Variants in TMEM135 observed in about 807,000 individuals in gnomAD.
The protein encoded by TMEM135 is peroxisomal membrane protein 52.
TMEM135 carries 30 observed loss-of-function variants against 60.3 expected under a neutral mutation model. That is an observed-to-expected ratio of 0.50 (90% CI 0.37 to 0.68). TMEM135 has a LOEUF of 0.68. Among genes scored for constraint, TMEM135 ranks in the 30% least tolerant of loss-of-function variants. TMEM135 has a pLI of 0.00. For synonymous variants in TMEM135, 190 were observed against 186.7 expected, an observed-to-expected ratio of 1.02 and a Z score of -0.14; for missense variants, 468 against 548.8, an observed-to-expected ratio of 0.85 and a Z score of 1.47.
At chr11:87,165,760 T>C (rs923919338) in intron 5 of TMEM135, among the ~76,000 whole-genome samples, 1 of 150,476 alleles carries the variant, frequency 6.6e-6, no homozygotes, top group Non-Finnish European at 1.5e-5. Context: ...CTGAAGGAAA[T>C]AGAGACACAA....
chr11:87,109,282 T>A (rs1857681351), intron 4 of TMEM135, among the ~76,000 whole-genome samples: 1 of 152,222 alleles, frequency 6.6e-6, no homozygotes, highest in Non-Finnish European at 1.5e-5. Context: ...ACACATGATG[T>A]TTTTCCTATA....
chr11:87,323,496 A>G lies in TMEM135; in HGVS notation c.*2163A>G, dbSNP rs903611765. On this transcript the variant is annotated 3_prime_UTR_variant, in exon 15 of 15. Transcript: ENST00000305494. ...TATTGATTGACAACTTTTTGGCATT[A>G]TAAATAAAGTAAAATAGATCTCTGC... is the stretch of plus-strand genomic sequence containing the variant. The G allele has an allele frequency of 2.2e-6, 1 of 454,028 alleles. No individual in the cohort carries two copies. The highest frequency in any genetic ancestry group is 4.4e-6 in the Non-Finnish European group (1 of 226,748). The allele number at this position is 454,028 out of a possible 1,614,324, so 28.1% of individuals were successfully genotyped here.
At chr11:87,141,694 G>T (rs1387053317) in intron 4 of TMEM135, among the ~76,000 whole-genome samples, 1 of 152,130 alleles carries the variant, frequency 6.6e-6, no homozygotes, top group Non-Finnish European at 1.5e-5. Context: ...TAAGTCTGAT[G>T]ATAGTTGTCA....
chr11:87,305,818 C>T, intron 8 of TMEM135, 118 bp from the exon 9 acceptor site: 1 of 450,254 alleles, frequency 2.2e-6, no homozygotes, highest in Non-Finnish European at 3.9e-6. Context: ...GTGATGTTTT[C>T]TTCTCTCTCT....
At chr11:87,276,228 A>G (rs895376106) in intron 6 of TMEM135, among the ~76,000 whole-genome samples, 4 of 152,132 alleles carry the variant, frequency 2.6e-5, no homozygotes, top group African/African-American at 4.8e-5. Context: ...TCCTCAATAC[A>G]TTGTTCTTGA....
chr11:87,327,172 G>A lies in TMEM135; in HGVS notation c.*5839G>A, dbSNP rs974493228. On this transcript the variant is annotated 3_prime_UTR_variant, in exon 15 of 15. Transcript: ENST00000305494. ...GGAGGTGTTCATGTGACCCTGTTTT[G>A]GCCAATAAAATGTAATGGAAAATCT... 7 of 453,742 alleles carry A rather than the reference G, an allele frequency of 1.5e-5. No individual in the cohort carries two copies. Among genetic ancestry groups the A allele is most frequent in the Non-Finnish European group, 3.1e-5 (7 of 226,732 alleles). 28.1% of individuals were successfully genotyped at this position (453,742 alleles called of 1,614,324 possible). A position where few individuals can be genotyped will look rare whatever the true frequency, so the allele number is the denominator to read the frequency against.
chr11:87,056,706 T>A (rs1949897937), intron 1 of TMEM135, among the ~76,000 whole-genome samples: 2 of 152,214 alleles, frequency 1.3e-5, no homozygotes, highest in African/African-American at 4.8e-5. Flanking sequence ...CTGTTATCTG[T>A]GATTTCTTCT....
intron 4 of TMEM135, among the ~76,000 whole-genome samples, chr11:87,143,566 A>G (rs1208661116): frequency 2.0e-5 from 3 of 152,190 alleles, no homozygotes; most frequent in African/African-American, 7.2e-5. Flanking sequence ...CAGTTGCAGA[A>G]CATAACTTAG....
intron 5 of TMEM135, among the ~76,000 whole-genome samples, chr11:87,197,779 T>A (rs1939994849): frequency 6.6e-6 from 1 of 152,150 alleles, no homozygotes; most frequent in Middle Eastern, 3.2e-3. Flanking sequence ...ATAAATGCAA[T>A]GCTACTTAGA....
At chr11:87,231,223 G>A (rs1476346811) in intron 5 of TMEM135, among the ~76,000 whole-genome samples, 1 of 152,104 alleles carries the variant, frequency 6.6e-6, no homozygotes, top group Non-Finnish European at 1.5e-5. Flanking sequence ...GGGGACTAGA[G>A]AGGAAAGTAC....
intron 5 of TMEM135, among the ~76,000 whole-genome samples, chr11:87,166,267 C>G (rs915581009): frequency 6.6e-6 from 1 of 151,646 alleles, no homozygotes; most frequent in Non-Finnish European, 1.5e-5. Flanking sequence ...CCTGTTTGCT[C>G]TGATGATAGT....
chr11:87,151,992 A>G (rs1380386507), intron 4 of TMEM135, among the ~76,000 whole-genome samples: 1 of 152,138 alleles, frequency 6.6e-6, no homozygotes, highest in Admixed American at 6.6e-5. Context: ...TGGGTAGACA[A>G]GAAGAGAGGA....
intron 2 of TMEM135, 28 bp from the exon 3 acceptor site, chr11:87,071,495 A>T (rs1453028769): frequency 6.4e-7 from 1 of 1,574,480 alleles, no homozygotes; most frequent in Non-Finnish European, 8.7e-7. Context: ...TAGGAATTTC[A>T]TACAAAAATT....
At chr11:87,306,032 T>C in intron 9 of TMEM135, 27 bp downstream of exon 9, 1 of 1,388,838 alleles carries the variant, frequency 7.2e-7, no homozygotes, top group Non-Finnish European at 1.0e-6. Context: ...ATGTACTTTA[T>C]TAACAGTAGG....
chr11:87,240,830 C>A (rs942307296), intron 6 of TMEM135, among the ~76,000 whole-genome samples: 1 of 152,092 alleles, frequency 6.6e-6, no homozygotes, highest in East Asian at 1.9e-4. Context: ...GCTAGAAATT[C>A]TTTCCACATC....
At chr11:87,202,476 C>T (rs1940135265) in intron 5 of TMEM135, among the ~76,000 whole-genome samples, 1 of 152,134 alleles carries the variant, frequency 6.6e-6, no homozygotes, top group Non-Finnish European at 1.5e-5. Flanking sequence ...CACACATGCC[C>T]TACCGTGTCC....
intron 4 of TMEM135, among the ~76,000 whole-genome samples, chr11:87,102,730 A>ATATATATATGTATATATATATG (rs1565441815): frequency 9.1e-6 from 1 of 109,742 alleles, no homozygotes; most frequent in African/African-American, 2.8e-5. Flanking sequence ...ATATATATGT[A>ATATATATATGTATATATATATG]TATATATATG....
At chr11:87,105,255 CAGG>C (rs1044416173) in intron 4 of TMEM135, among the ~76,000 whole-genome samples, 3 of 152,192 alleles carry the variant, frequency 2.0e-5, no homozygotes, top group Admixed American at 6.5e-5. Context: ...GCCTGCAAAA[CAGG>C]AGATGATACG....
chr11:87,319,334 A>C lies in TMEM135; in HGVS notation c.1201A>C (p.Arg401=), dbSNP rs1465118466. Residue 401 remains arginine (R), a synonymous_variant, in exon 14 of 15, where the codon AGA becomes CGA. Coordinates refer to ENST00000305494, the MANE Select transcript of TMEM135 (RefSeq NM_022918.4). ...QAAVMEVQTL[R]PSYWKFLLRL... ...GGCTGTCATGGAAGTTCAGACTTTG[A>C]GACCATCTTACTGGAAGTTCCTTTT... 6.2e-7 allele frequency: 1 copy of C among 1,613,364 alleles called. No homozygotes were observed. The highest frequency in any genetic ancestry group is 1.3e-5 in the African/African-American group (1 of 74,894).
Sources: allele counts gnomAD v4.1 joint callset (sites outside exome capture counted in the v4.1 genomes callset), GRCh38; gene constraint gnomAD v4.1.1; transcripts MANE v1.5; gene names NCBI Gene and HGNC (gene_info 2026-07-23, HGNC 2026-07-21).